The following PDZRN4 variants were observed in gnomAD, a reference collection of about 807,000 sequenced individuals.
The protein encoded by PDZRN4 is PDZ domain-containing RING finger protein 4.
A neutral mutation model predicts 99.0 loss-of-function variants in PDZRN4; 70 were observed. The ratio of observed to expected loss-of-function variants is 0.71; its 90% CI spans 0.58 to 0.86. The LOEUF is 0.86. Among genes scored for constraint, PDZRN4 ranks in the 40% least tolerant of loss-of-function variants. The pLI, the probability that PDZRN4 is intolerant of heterozygous loss-of-function variation, is 0.00. For missense variants in PDZRN4, 1,474 were observed against 1,331.2 expected (o/e 1.11, Z -1.67); for synonymous variants, 551 against 501.6 (o/e 1.10, Z -1.32).
At chr12:41,324,769 G>C (rs1951700266) in intron 3 of PDZRN4, among the ~76,000 whole-genome samples, 1 of 152,126 alleles carries the variant, frequency 6.6e-6, no homozygotes, top group South Asian at 2.1e-4. Flanking sequence ...AGTGTGAATT[G>C]AAAAGTGCTA....
At chr12:41,492,964 TA>T (rs1317522375) in intron 3 of PDZRN4, among the ~76,000 whole-genome samples, 1 of 152,198 alleles carries the variant, frequency 6.6e-6, no homozygotes, top group Non-Finnish European at 1.5e-5. Context: ...TTTACAGAAC[TA>T]AATATTTATT....
chr12:41,506,370 A>C (rs1592088980), intron 3 of PDZRN4, 86 bp from the exon 4 acceptor site: 1 of 1,311,416 alleles, frequency 7.6e-7, no homozygotes, highest in Non-Finnish European at 1.0e-6. Flanking sequence ...GCTGGTTGAA[A>C]CCTTTCTCTC....
At chr12:41,202,678 A>G (rs561642134) in intron 3 of PDZRN4, among the ~76,000 whole-genome samples, 2 of 152,246 alleles carry the variant, frequency 1.3e-5, no homozygotes, top group South Asian at 2.1e-4. Context: ...TGTTATCTTC[A>G]TATCAAACAC....
intron 5 of PDZRN4, among the ~76,000 whole-genome samples, chr12:41,550,340 G>C (rs1326277296): frequency 6.6e-6 from 1 of 152,096 alleles, no homozygotes; most frequent in African/African-American, 2.4e-5. Context: ...AGCTCGTTTT[G>C]GAGTGTGTAG....
At chr12:41,434,103 T>C (rs1416072798) in intron 3 of PDZRN4, among the ~76,000 whole-genome samples, 3 of 152,222 alleles carry the variant, frequency 2.0e-5, no homozygotes, top group Non-Finnish European at 4.4e-5. Context: ...TGTGAAAATA[T>C]AGAGTAATGA....
Position 41,399,660 on chromosome 12 carries a change from C to G in PDZRN4, c.844-106796C>G, listed in dbSNP as rs373243422. ...CTGAGGCAGGAGAATTGGTTGAACC[C>G]AGGGGGCAGAGGTTGTAGTGAGTGA... On this transcript the variant is annotated intron_variant, in intron 3 of 9. Coordinates refer to ENST00000402685, the MANE Select transcript of PDZRN4 (RefSeq NM_001164595.2). 5.2e-4 allele frequency among the ~76,000 whole-genome samples: 79 copies of G among 151,454 alleles called. No homozygotes were observed. In the East Asian group the frequency reaches 0.012, roughly 24 times the overall value.
chr12:41,304,946 C>T (rs940638084), intron 3 of PDZRN4, among the ~76,000 whole-genome samples: 2 of 152,138 alleles, frequency 1.3e-5, no homozygotes, highest in African/African-American at 4.8e-5. Flanking sequence ...GGGAATATGA[C>T]TATTAGGTGG....
intron 3 of PDZRN4, among the ~76,000 whole-genome samples, chr12:41,281,002 G>C (rs1443042870): frequency 6.6e-6 from 1 of 152,146 alleles, no homozygotes; most frequent in Admixed American, 6.5e-5. Flanking sequence ...CTGGGACAAA[G>C]CTTCCAGAGG....
intron 3 of PDZRN4, among the ~76,000 whole-genome samples, chr12:41,270,311 GGTGTGTGTGTGTGTCTGT>G (rs1951306543): frequency 6.9e-6 from 1 of 144,994 alleles, no homozygotes. Context: ...CTGTGTGTGT[GGTGTGTGTGTGTGTCTGT>G]GTGTGTGTGT....
At chr12:41,300,489 G>A (rs1394580045) in intron 3 of PDZRN4, among the ~76,000 whole-genome samples, 2 of 151,756 alleles carry the variant, frequency 1.3e-5, no homozygotes, top group African/African-American at 2.4e-5. Flanking sequence ...AAACTGTCTG[G>A]CACACCCAGA....
chr12:41,533,180 C>CTTT (rs56755593), intron 5 of PDZRN4, among the ~76,000 whole-genome samples: 3 of 144,824 alleles, frequency 2.1e-5, no homozygotes, highest in Non-Finnish European at 3.0e-5. Context: ...TTTTTCTTTT[C>CTTT]TTTTTTTTTT....
At chr12:41,204,907 G>C (rs1950838649) in intron 3 of PDZRN4, among the ~76,000 whole-genome samples, 1 of 151,798 alleles carries the variant, frequency 6.6e-6, no homozygotes, top group Non-Finnish European at 1.5e-5. Flanking sequence ...CCCTCTCCTA[G>C]AATATTGCAA....
At chr12:41,215,233 G>A (rs1230219032) in intron 3 of PDZRN4, among the ~76,000 whole-genome samples, 1 of 152,010 alleles carries the variant, frequency 6.6e-6, no homozygotes, top group Non-Finnish European at 1.5e-5. Flanking sequence ...TAGAAAAATG[G>A]AAATTGTTTA....
chr12:41,310,457 C>G lies in PDZRN4; in HGVS notation c.843+116269C>G, dbSNP rs557737883. 1.1e-4 allele frequency among the ~76,000 whole-genome samples: 17 copies of G among 152,142 alleles called. No individual in the cohort carries two copies. In the South Asian group the frequency reaches 1.5e-3, roughly 13 times the overall value. On this transcript the variant is annotated intron_variant, in intron 3 of 9. Transcript: ENST00000402685. ...CCTTGTGACTTTCAGTATTAAAGAG[C>G]TCTATTCAGTTGCTCTTAACCCTTC...
At chr12:41,257,683 A>G (rs1441123706) in intron 3 of PDZRN4, among the ~76,000 whole-genome samples, 2 of 152,246 alleles carry the variant, frequency 1.3e-5, no homozygotes, top group Non-Finnish European at 2.9e-5. Flanking sequence ...CATGAAATTC[A>G]GTAAGTGATT....
chr12:41,378,658 G>C (rs1472137150), intron 3 of PDZRN4, among the ~76,000 whole-genome samples: 1 of 151,190 alleles, frequency 6.6e-6, no homozygotes, highest in East Asian at 2.0e-4. Context: ...AAGTAGCTGG[G>C]ATTACAGGTG....
chr12:41,293,075 G>C (rs1565543834), intron 3 of PDZRN4, among the ~76,000 whole-genome samples: 1 of 151,076 alleles, frequency 6.6e-6, no homozygotes, highest in Admixed American at 6.6e-5. Flanking sequence ...GGAGATAGGA[G>C]GGACGCTGGA....
chr12:41,430,466 TAAA>T (rs528553273), intron 3 of PDZRN4, among the ~76,000 whole-genome samples: 4 of 135,092 alleles, frequency 3.0e-5, no homozygotes, highest in African/African-American at 2.7e-5. Flanking sequence ...AGACTCCATC[TAAA>T]AAAAAAAAAA....
At chr12:41,317,013 A>G (rs188491302) in intron 3 of PDZRN4, among the ~76,000 whole-genome samples, 229 of 129,820 alleles carry the variant, frequency 1.8e-3, no homozygotes, top group African/African-American at 5.5e-3. Context: ...GGGGTGTTAT[A>G]TTAGAGTTCT....
Sources: gnomAD v4.1 joint callset for allele counts (sites outside exome capture counted in the v4.1 genomes callset) on GRCh38, gnomAD v4.1.1 for gene constraint, MANE v1.5 for transcripts, NCBI Gene and HGNC (gene_info 2026-07-23, HGNC 2026-07-21) for gene names.